FSTL4: variants seen among roughly 807,000 people sequenced by gnomAD.
FSTL4 encodes the protein follistatin like 4, also known as follistatin-related protein 4.
A neutral mutation model predicts 78.2 loss-of-function variants in FSTL4; 28 were observed. That is an observed-to-expected ratio of 0.36 (90% CI 0.27 to 0.49). The LOEUF (loss-of-function observed/expected upper bound fraction) is 0.49. Among genes scored for constraint, FSTL4 ranks in the 20% least tolerant of loss-of-function variants. The probability of loss-of-function intolerance (pLI) is 0.98; values close to 1 mark genes in which losing one functional copy is unlikely to be tolerated. For synonymous variants in FSTL4, 422 were observed against 440.5 expected, an observed-to-expected ratio of 0.96 and a Z score of 0.53; for missense variants, 922 against 1,084.9, an observed-to-expected ratio of 0.85 and a Z score of 2.11.
intron 3 of FSTL4, among the ~76,000 whole-genome samples, chr5:133,453,444 A>G (rs1248316678): frequency 6.6e-6 from 1 of 152,208 alleles, no homozygotes; most frequent in Non-Finnish European, 1.5e-5. Context: ...GCACTTCACT[A>G]CACCTGGGCA....
chr5:133,616,579 T>A (rs1391773485), upstream of FSTL4, among the ~76,000 whole-genome samples: 1 of 151,976 alleles, frequency 6.6e-6, no homozygotes, highest in Non-Finnish European at 1.5e-5. Flanking sequence ...TTTTTGTACT[T>A]TTTGTAGAGA....
intron 4 of FSTL4, among the ~76,000 whole-genome samples, chr5:133,331,775 G>T (rs1287692528): frequency 6.6e-6 from 1 of 152,200 alleles, no homozygotes; most frequent in Non-Finnish European, 1.5e-5. Flanking sequence ...AACTCTGAAA[G>T]CGAACACCAG....
chr5:133,681,467 C>T, the FSTL4 span, among the ~76,000 whole-genome samples: 1 of 152,082 alleles, frequency 6.6e-6, no homozygotes, highest in African/African-American at 2.4e-5. Flanking sequence ...GTCTGTGATC[C>T]AGTCCTAGAT....
chr5:133,496,549 T>C (rs1758370128), intron 3 of FSTL4, among the ~76,000 whole-genome samples: 1 of 152,164 alleles, frequency 6.6e-6, no homozygotes, highest in Non-Finnish European at 1.5e-5. Flanking sequence ...GCATGAGGCT[T>C]TGAATCAACC....
At chr5:133,759,912 C>T in the FSTL4 span, among the ~76,000 whole-genome samples, 1 of 152,186 alleles carries the variant, frequency 6.6e-6, no homozygotes, top group Non-Finnish European at 1.5e-5. Context: ...AACAAACAAA[C>T]AAAAACACAT....
chr5:133,590,613 A>G (rs1256056704), intron 2 of FSTL4, among the ~76,000 whole-genome samples: 2 of 152,268 alleles, frequency 1.3e-5, no homozygotes, highest in East Asian at 3.9e-4. Context: ...AGCTGCACTA[A>G]GGAGCTCCCT....
chr5:133,827,715 AC>A, the FSTL4 span, among the ~76,000 whole-genome samples: 2 of 150,902 alleles, frequency 1.3e-5, no homozygotes, highest in Non-Finnish European at 1.5e-5. Context: ...ACACTATCTC[AC>A]CCCAAATTCT....
the FSTL4 span, among the ~76,000 whole-genome samples, chr5:133,637,992 G>A: frequency 6.6e-6 from 1 of 151,130 alleles, no homozygotes. Flanking sequence ...TAATTAATGG[G>A]CTCAAATCTG....
chr5:133,238,684 C>A (rs902579693), intron 7 of FSTL4, among the ~76,000 whole-genome samples: 3 of 152,246 alleles, frequency 2.0e-5, no homozygotes, highest in African/African-American at 7.2e-5. Context: ...TACATGGACA[C>A]GTGGTACACA....
At chr5:133,455,093 T>C (rs1048795004) in intron 3 of FSTL4, among the ~76,000 whole-genome samples, 5 of 151,886 alleles carry the variant, frequency 3.3e-5, no homozygotes, top group African/African-American at 1.2e-4. Context: ...AGGAGGAGGG[T>C]AGAGAGATGA....
At chr5:133,442,202 G>A (rs904768993) in intron 3 of FSTL4, among the ~76,000 whole-genome samples, 3 of 152,170 alleles carry the variant, frequency 2.0e-5, no homozygotes, top group African/African-American at 7.2e-5. Flanking sequence ...ACTACTCAGT[G>A]GTTAAATCCT....
chr5:133,761,568 AAC>A, the FSTL4 span, among the ~76,000 whole-genome samples: 1 of 152,220 alleles, frequency 6.6e-6, no homozygotes, highest in East Asian at 1.9e-4. Context: ...GACTTCTTAG[AAC>A]ATGCACAGCC....
At chr5:133,242,511 G>A (rs1017307) in intron 7 of FSTL4, among the ~76,000 whole-genome samples, 65,434 of 151,888 alleles carry the variant, frequency 0.43, 18,555 homozygotes, top group African/African-American at 0.79. Flanking sequence ...CTGAGTACAA[G>A]TCAAGCCCTG....
At chr5:133,279,818 AT>A (rs1752971106) in intron 6 of FSTL4, among the ~76,000 whole-genome samples, 1 of 152,198 alleles carries the variant, frequency 6.6e-6, no homozygotes, top group East Asian at 1.9e-4. Flanking sequence ...TGCACATATA[AT>A]TACTTAAGGA....
At chr5:133,447,340 T>A (rs896957673) in intron 3 of FSTL4, among the ~76,000 whole-genome samples, 2 of 152,312 alleles carry the variant, frequency 1.3e-5, no homozygotes, top group Admixed American at 1.3e-4. Flanking sequence ...AAGGCCAAAC[T>A]TTTATCTGAT....
the FSTL4 span, among the ~76,000 whole-genome samples, chr5:133,794,840 CG>C: frequency 1.3e-5 from 2 of 152,022 alleles, no homozygotes; most frequent in Admixed American, 6.5e-5. Context: ...AGGCAGAAGA[CG>C]GGGGGAAGAT....
At chr5:133,605,881 C>A (rs1313521766) in intron 1 of FSTL4, among the ~76,000 whole-genome samples, 1 of 152,112 alleles carries the variant, frequency 6.6e-6, no homozygotes, top group Admixed American at 6.5e-5. Context: ...ACCATCAGCA[C>A]CTGCCCCACA....
chr5:133,368,744 G>A (rs1457064768), intron 4 of FSTL4, among the ~76,000 whole-genome samples: 1 of 152,266 alleles, frequency 6.6e-6, no homozygotes, highest in Non-Finnish European at 1.5e-5. Flanking sequence ...AGTCATTCCT[G>A]TAGTCTAGCC....
intron 3 of FSTL4, among the ~76,000 whole-genome samples, chr5:133,466,885 TGTCA>T (rs1256092410): frequency 6.6e-6 from 1 of 152,066 alleles, no homozygotes; most frequent in African/African-American, 2.4e-5. Context: ...AGTGTGTGTG[TGTCA>T]GTGTGAGTGT....
Sources: allele counts gnomAD v4.1 joint callset (sites outside exome capture counted in the v4.1 genomes callset), GRCh38; gene constraint gnomAD v4.1.1; transcripts MANE v1.5; gene names NCBI Gene and HGNC (gene_info 2026-07-23, HGNC 2026-07-21).